Variants in KPNB1 observed in about 807,000 individuals in gnomAD.
The protein encoded by KPNB1 is importin subunit beta-1.
Under a neutral mutation model 113.0 loss-of-function variants are expected in KPNB1, and 7 were observed. The observed-to-expected ratio is 0.06, with a 90% CI of 0.04 to 0.12. KPNB1 has a LOEUF of 0.12. Among genes scored for constraint, KPNB1 ranks in the 10% least tolerant of loss-of-function variants. The pLI is 1.00. For missense variants in KPNB1, 400 were observed against 1,054.8 expected, an observed-to-expected ratio of 0.38 and a Z score of 8.60; for synonymous variants, 363 against 378.6, an observed-to-expected ratio of 0.96 and a Z score of 0.48.
chr17:47,669,303 T>A (rs567734459), intron 10 of KPNB1, among the ~76,000 whole-genome samples: 1 of 152,190 alleles, frequency 6.6e-6, no homozygotes, highest in Non-Finnish European at 1.5e-5. Flanking sequence ...CCGGGTTTCA[T>A]CATGTTGGTC....
intron 5 of KPNB1, among the ~76,000 whole-genome samples, chr17:47,659,704 G>A (rs534612737): frequency 6.7e-4 from 102 of 152,232 alleles, no homozygotes; most frequent in Non-Finnish European, 1.3e-3. Context: ...AAAAATTATA[G>A]CAATTGGTCT....
chr17:47,650,530 C>G (rs1446115053), intron 2 of KPNB1, 86 bp downstream of exon 2: 4 of 1,186,690 alleles, frequency 3.4e-6, no homozygotes, highest in Non-Finnish European at 4.8e-6. Context: ...GCCCAGGCCT[C>G]GGGAACCTAC....
At chr17:47,678,605 CTTCT>C (rs1343354245) in intron 19 of KPNB1, 192 bp downstream of exon 19, 1 of 570,184 alleles carries the variant, frequency 1.8e-6, no homozygotes, top group South Asian at 2.2e-5. Flanking sequence ...TGCTCTGCTT[CTTCT>C]TTCTTTTTTT....
intron 1 of KPNB1, 51 bp downstream of exon 1, chr17:47,650,335 G>A (rs776377925): frequency 1.2e-6 from 2 of 1,610,898 alleles, no homozygotes; most frequent in Non-Finnish European, 1.7e-6. Flanking sequence ...GTGGGGGAGG[G>A]GAGGCCCGGC....
intron 9 of KPNB1, among the ~76,000 whole-genome samples, chr17:47,667,023 T>C (rs550635544): frequency 6.6e-6 from 1 of 152,360 alleles, no homozygotes; most frequent in African/African-American, 2.4e-5. Flanking sequence ...CTATGTGGTG[T>C]GAATGGCCAC....
Position 47,664,154 on chromosome 17 carries a change from T to C in KPNB1, c.787-5T>C. ...TTTGGGGCCTGGGGTGTTTTTCTTC[T>C]TAAGATCACAATCGAAGCAATGAAA... On this transcript the variant is annotated splice_region_variant and splice_polypyrimidine_tract_variant and intron_variant, in intron 7 of 21. Transcript: ENST00000290158. The C allele has an allele frequency of 1.2e-5, 19 of 1,605,388 alleles. No individual in the cohort carries two copies. The highest frequency in any genetic ancestry group is 1.6e-5 in the Non-Finnish European group (19 of 1,172,198).
At chr17:47,676,987 C>A (rs376451514) in intron 16 of KPNB1, 33 bp from the exon 17 acceptor site, 85 of 1,559,468 alleles carry the variant, frequency 5.5e-5, no homozygotes, top group African/African-American at 3.8e-4. Flanking sequence ...GCAGCCTTTT[C>A]TGTTAGAAGA....
At position 47,680,027 on chromosome 17, in the gene KPNB1, G is replaced by A. The variant is rs760610497; in HGVS notation, c.2361G>A (p.Val787=). 2.5e-6 allele frequency: 4 copies of A among 1,610,452 alleles called. No individual in the cohort carries two copies. In the Admixed American group the frequency reaches 6.7e-5, roughly 27 times the overall value. The change falls in exon 20 of 22, where the codon GTG becomes GTA. Residue 787 remains valine (V), a synonymous_variant. Transcript: ENST00000290158. ...KGDQENVHPD[V]MLVQPRVEFI... ...CTTCTCTCTCTTTTATAGCGGATGT[G>A]ATGCTGGTACAACCCAGAGTAGAAT...
intron 2 of KPNB1, chr17:47,651,167 G>A (rs1915556897): frequency 1.0e-6 from 1 of 977,046 alleles, no homozygotes. Context: ...AAATCACAGG[G>A]GAAAGTTCCT....
Position 47,682,696 on chromosome 17 carries a change from A to G in KPNB1, c.*292A>G. On this transcript the variant is annotated 3_prime_UTR_variant, in exon 22 of 22. Transcript: ENST00000290158. ...TTACTTATTTAAAAAAAAAGAAAGA[A>G]AGTTATCTCTTCCCAGGAGAGGCTA... 1 of 467,544 alleles carries G rather than the reference A, an allele frequency of 2.1e-6. No individual in the cohort carries two copies. The highest frequency in any genetic ancestry group is 3.8e-5 in the East Asian group (1 of 26,526). The allele number at this position is 467,544 out of a possible 1,614,324, so 29.0% of individuals were successfully genotyped here.
intron 3 of KPNB1, 131 bp from the exon 4 acceptor site, chr17:47,656,729 C>T (rs2029920305): frequency 1.2e-6 from 1 of 857,572 alleles, no homozygotes; most frequent in Non-Finnish European, 1.8e-6. Flanking sequence ...GTCCGGGCAA[C>T]ATAGTGAGAC....
chr17:47,660,749 T>G lies in KPNB1; in HGVS notation c.637-370T>G, dbSNP rs1253736091. Reference sequence around the variant, plus strand: ...TTTGGTCTCTGAAATAAAGCAGATGTTTTGAATTCTCTTATATAAGGAAAC... The same window carrying G: ...TTTGGTCTCTGAAATAAAGCAGATGGTTTGAATTCTCTTATATAAGGAAAC... On this transcript the variant is annotated intron_variant, in intron 5 of 21. Coordinates refer to ENST00000290158, the MANE Select transcript of KPNB1 (RefSeq NM_002265.6). Among the ~76,000 whole-genome samples the G allele has an allele frequency of 2.0e-5, 3 of 152,236 alleles. No individual in the cohort carries two copies. In the East Asian group the frequency reaches 5.8e-4, roughly 29 times the overall value.
intron 11 of KPNB1, 58 bp from the exon 12 acceptor site, chr17:47,670,644 G>T: frequency 6.7e-7 from 1 of 1,500,468 alleles, no homozygotes; most frequent in African/African-American, 1.4e-5. Flanking sequence ...TGAAAAATGA[G>T]ATAATCCTAA....
chr17:47,678,072 G>A lies in KPNB1; in HGVS notation c.2130G>A (p.Lys710=), dbSNP rs1173213341. The A allele has an allele frequency of 1.4e-5, 22 of 1,614,044 alleles. No individual in the cohort carries two copies. The highest frequency in any genetic ancestry group is 1.9e-5 in the Non-Finnish European group (22 of 1,179,976). The part of the protein sequence containing the change: ...LGNENVHRSV[K]PQILSVFGDI... ...ATGAGAACGTCCACAGGTCTGTGAA[G>A]CCGCAGATTCTGTCAGTGTTTGGTG... The change falls in exon 18 of 22, where the codon AAG becomes AAA. Residue 710 remains lysine (K), a synonymous_variant. Coordinates refer to ENST00000290158, the MANE Select transcript of KPNB1 (RefSeq NM_002265.6).
intron 21 of KPNB1, among the ~76,000 whole-genome samples, chr17:47,681,686 G>GTTTTTTTTTTTTTTTT (rs59222945): frequency 3.1e-4 from 30 of 96,038 alleles, no homozygotes; most frequent in African/African-American, 4.3e-4. Flanking sequence ...GGAATTATAG[G>GTTTTTTTTTTTTTTTT]TTTTTTTTTT....
chr17:47,673,467 A>G, intron 13 of KPNB1, 23 bp from the exon 14 acceptor site: 1 of 1,585,872 alleles, frequency 6.3e-7, no homozygotes, highest in Non-Finnish European at 8.7e-7. Context: ...CATGTAGAGT[A>G]TGTTTTCTTA....
At chr17:47,654,289 C>T (rs2143089479) in intron 3 of KPNB1, among the ~76,000 whole-genome samples, 1 of 152,132 alleles carries the variant, frequency 6.6e-6, no homozygotes, top group South Asian at 2.1e-4. Flanking sequence ...GCGGTGGATA[C>T]CTGTAGTCTC....
intron 9 of KPNB1, among the ~76,000 whole-genome samples, chr17:47,667,139 TG>T (rs1297908695): frequency 6.6e-6 from 1 of 151,406 alleles, no homozygotes; most frequent in Non-Finnish European, 1.5e-5. Context: ...GGGGTGGCGT[TG>T]GGGGGTACAG....
chr17:47,674,834 T>G, intron 15 of KPNB1, 52 bp downstream of exon 15: 2 of 1,543,368 alleles, frequency 1.3e-6, no homozygotes, highest in Non-Finnish European at 1.8e-6. Flanking sequence ...TGTAGGCATT[T>G]CAGTGGCCTT....
Sources: gnomAD v4.1 joint callset for allele counts (sites outside exome capture counted in the v4.1 genomes callset) on GRCh38, gnomAD v4.1.1 for gene constraint, MANE v1.5 for transcripts, NCBI Gene and HGNC (gene_info 2026-07-23, HGNC 2026-07-21) for gene names.